Variants in POLG observed in about 807,000 individuals in gnomAD.
POLG encodes DNA polymerase subunit gamma-1.
A neutral mutation model predicts 155.4 loss-of-function variants in POLG; 110 were observed. That is an observed-to-expected ratio of 0.71 (90% CI 0.61 to 0.83). The LOEUF (loss-of-function observed/expected upper bound fraction) is 0.83. Among genes scored for constraint, POLG ranks in the 40% least tolerant of loss-of-function variants. POLG has a pLI of 0.00. For synonymous variants in POLG, 701 were observed against 631.5 expected (o/e 1.11, Z -1.65); for missense variants, 1,685 against 1,627.5 (o/e 1.04, Z -0.61).
intron 6 of POLG, among the ~76,000 whole-genome samples, chr15:89,328,078 T>A (rs1267479565): frequency 6.6e-6 from 1 of 151,060 alleles, no homozygotes; most frequent in Non-Finnish European, 1.5e-5. Context: ...CCCTTCTTTT[T>A]TCTTTCCATA....
rs759511776 is a variant in POLG, at chr15:89,326,594, G to C, written c.1712+18C>G. On this transcript the variant is annotated intron_variant, in intron 9 of 22. Transcript: ENST00000268124. ...AGGGTAGACTCTAGATACACTGCTG[G>C]GGGTGGGCAGGGCTCACCCAGGGTG... The C allele has an allele frequency of 6.2e-7, 1 of 1,612,402 alleles. No homozygotes were observed.
At position 89,316,743 on chromosome 15, in the gene POLG, A is replaced by G. The variant is rs776595063; in HGVS notation, c.*8T>C. ...CCACGGGAGCAAATACAGAGCCTCC[A>G]GGCAGTGCTATGGTCCAGGCTGGCT... On this transcript the variant is annotated 3_prime_UTR_variant, in exon 23 of 23. Coordinates refer to ENST00000268124, the MANE Select transcript of POLG (RefSeq NM_002693.3). The G allele has an allele frequency of 6.2e-7, 1 of 1,606,842 alleles. No individual in the cohort carries two copies. The highest frequency in any genetic ancestry group is 1.1e-5 in the South Asian group (1 of 90,934).
rs779606365 is a variant in POLG, at chr15:89,329,146, G to A, written c.856-36C>T. ...GGAGGAGAAAAGGGAAGGGAAGGAG[G>A]GAGGCTGCAACTGTGGGGCCAGCCC... On this transcript the variant is annotated intron_variant, in intron 3 of 22. Coordinates refer to ENST00000268124, the MANE Select transcript of POLG (RefSeq NM_002693.3). The A allele has an allele frequency of 4.4e-6, 7 of 1,580,134 alleles. No homozygotes were observed. In the East Asian group the frequency reaches 6.8e-5, roughly 15 times the overall value.
chr15:89,327,057 T>C lies in POLG; in HGVS notation c.1440A>G (p.Lys480=). ...CCAGGTCCCAGAGCCAGGGGTCTTCTTTGTACCTACAGAGCCAGTCCACTA... is the reference window on the plus strand; with the variant it reads ...CCAGGTCCCAGAGCCAGGGGTCTTCCTTGTACCTACAGAGCCAGTCCACTA... The part of the protein sequence containing the change: ...ACQLLSGERY[K]EDPWLWDLEW... Residue 480 remains lysine (K), a synonymous_variant, in exon 8 of 23, where the codon AAA becomes AAG. Coordinates refer to ENST00000268124, the MANE Select transcript of POLG (RefSeq NM_002693.3). 6.2e-7 allele frequency: 1 copy of C among 1,614,234 alleles called. No homozygotes were observed. The highest frequency in any genetic ancestry group is 1.3e-5 in the African/African-American group (1 of 75,066).
chr15:89,325,055 AGAGAGTGAGTGAGTGAGTGAGT>A (rs2055457375), intron 10 of POLG, among the ~76,000 whole-genome samples: 1 of 114,408 alleles, frequency 8.7e-6, no homozygotes, highest in African/African-American at 4.4e-5. Context: ...TGAGTGAGTG[AGAGAGTGAGTGAGTGAGTGAGT>A]GAGTGAGAGA....
intron 13 of POLG, 36 bp from the exon 14 acceptor site, chr15:89,322,938 G>A (rs1224259099): frequency 1.9e-6 from 3 of 1,606,336 alleles, no homozygotes; most frequent in East Asian, 2.2e-5. Context: ...CTGGAGGCAG[G>A]TGGCAGACCC....
chr15:89,324,864 T>C (rs1309772879), intron 10 of POLG, among the ~76,000 whole-genome samples: 1 of 152,130 alleles, frequency 6.6e-6, no homozygotes, highest in Non-Finnish European at 1.5e-5. Context: ...TAAAAGCCCA[T>C]CTCCCTGCTA....
Position 89,325,284 on chromosome 15 carries a change from A to AG in POLG, c.1949+165_1949+166insC, listed in dbSNP as rs1555453399. 3.5e-5 allele frequency among the ~76,000 whole-genome samples: 2 copies of AG among 57,392 alleles called. 1 individual carries two copies. Among genetic ancestry groups the AG allele is most frequent in the African/African-American group, 2.6e-4 (2 of 7,774 alleles). 37.7% of individuals were successfully genotyped at this position (57,392 alleles called of 152,430 possible). ...TGAGTGAGTGAGTGAGAGAGAGAGA[A>AG]AGAGAGAGAGAGAGGGTGTGTGTGT... is the stretch of plus-strand genomic sequence containing the variant. On this transcript the variant is annotated intron_variant, in intron 10 of 22. Coordinates refer to ENST00000268124, the MANE Select transcript of POLG (RefSeq NM_002693.3).
At chr15:89,318,781 G>A (rs765752408) in intron 20 of POLG, 32 bp from the exon 21 acceptor site, 2 of 1,592,132 alleles carry the variant, frequency 1.3e-6, no homozygotes, top group Non-Finnish European at 1.7e-6. Context: ...AGGTGAAAGG[G>A]GCTATGCTAC....
chr15:89,323,257 G>GTGCCTGAAATCTGC, intron 13 of POLG, 147 bp downstream of exon 13: 1 of 680,538 alleles, frequency 1.5e-6, no homozygotes, highest in Non-Finnish European at 2.7e-6. Context: ...GCTGAGAGAT[G>GTGCCTGAAATCTGC]ACAGTATGTG....
chr15:89,317,095 A>C, intron 22 of POLG: 1 of 592,034 alleles, frequency 1.7e-6, no homozygotes, highest in South Asian at 2.0e-5. Context: ...ATAGAGTGCA[A>C]GAATGCACTC....
At chr15:89,323,336 G>A (rs1021799139) in intron 13 of POLG, 68 bp downstream of exon 13, 1 of 979,982 alleles carries the variant, frequency 1.0e-6, no homozygotes, top group Admixed American at 1.8e-5. Context: ...GTGTCACTCT[G>A]AAGGCCTGCT....
At chr15:89,325,120 G>A (rs1291384539) in intron 10 of POLG, among the ~76,000 whole-genome samples, 4 of 91,314 alleles carry the variant, frequency 4.4e-5, no homozygotes, top group African/African-American at 1.8e-4. Flanking sequence ...GAGAGTGAGT[G>A]AGTGAGTGAG....
At chr15:89,323,071 G>GTGCACACACA (rs1298299060) in intron 13 of POLG, among the ~76,000 whole-genome samples, 169 bp from the exon 14 acceptor site, 1 of 152,148 alleles carries the variant, frequency 6.6e-6, no homozygotes, top group Non-Finnish European at 1.5e-5. Context: ...ACACACACAC[G>GTGCACACACA]TGCACACACA....
rs1168395175 is a variant in POLG at position 89,320,685 on chromosome 15, T to C, written c.2981+81A>G. 7.3e-6 allele frequency: 11 copies of C among 1,503,710 alleles called. No homozygotes were observed. In the East Asian group the frequency reaches 1.8e-4, roughly 25 times the overall value. The allele number at this position is 1,503,710 out of a possible 1,614,324, so 93.1% of individuals were successfully genotyped here. A position where few individuals can be genotyped will look rare whatever the true frequency, so the allele number is the denominator to read the frequency against. ...GAGAGTTCAAGTAATGGGCAGGAGATAGAACAGATGGTAGTACTAAAGGAC... is the reference window on the plus strand; with the variant it reads ...GAGAGTTCAAGTAATGGGCAGGAGACAGAACAGATGGTAGTACTAAAGGAC... On this transcript the variant is annotated intron_variant, in intron 18 of 22. Transcript: ENST00000268124.
In POLG at chr15:89,333,154, C is replaced by A. The variant is rs2141814471; in HGVS notation, c.601G>T (p.Val201Phe). The A allele has an allele frequency of 1.3e-6, 2 of 1,544,346 alleles. No homozygotes were observed. The highest frequency in any genetic ancestry group is 1.2e-5 in the South Asian group (1 of 81,004). Residue 201 changes from valine to phenylalanine, a missense_variant, in exon 2 of 23, where the codon GTC (valine) becomes TTC (phenylalanine). Around this residue, in one of 3 missense-constraint regions of POLG, gnomAD observed 1,210 missense variants for 1,167.1 expected, o/e 1.04. Coordinates refer to ENST00000268124, the MANE Select transcript of POLG (RefSeq NM_002693.3). ...EERALVFDVE[V>F]CLAEGTCPTL... ...GGGCAAGTTCCCTCTGCCAAGCAGA[C>A]CTCCACGTCGAACACCAGGGCCCGC...
Position 89,316,334 on chromosome 15 carries a change from T to C in POLG, c.*417A>G. On this transcript the variant is annotated 3_prime_UTR_variant, in exon 23 of 23. Coordinates refer to ENST00000268124, the MANE Select transcript of POLG (RefSeq NM_002693.3). ...AAGATAGAGTCTTTTTTTTCCTTCT[T>C]TTTATTTCCACTGCCTTGGAGCAGG... 6.6e-7 allele frequency: 1 copy of C among 1,518,800 alleles called. No homozygotes were observed. The highest frequency in any genetic ancestry group is 2.4e-5 in the East Asian group (1 of 41,878). The allele number at this position is 1,518,800 out of a possible 1,614,324, so 94.1% of individuals were successfully genotyped here.
In POLG at chr15:89,319,369, C is replaced by A; in HGVS notation, c.2982-19G>T. On this transcript the variant is annotated intron_variant, in intron 18 of 22. Coordinates refer to ENST00000268124, the MANE Select transcript of POLG (RefSeq NM_002693.3). ...CCGATACCTGGGGGCAGTGTTATCA[C>A]CATCATTCCACGGGAGTGCTTCCTG... The A allele has an allele frequency of 1.2e-6, 2 of 1,613,092 alleles. No individual in the cohort carries two copies. The highest frequency in any genetic ancestry group is 1.7e-6 in the Non-Finnish European group (2 of 1,180,006).
intron 2 of POLG, among the ~76,000 whole-genome samples, chr15:89,331,133 C>A (rs1466708830): frequency 8.2e-6 from 1 of 122,002 alleles, no homozygotes; most frequent in Admixed American, 7.7e-5. Context: ...CTCCTTGCAA[C>A]CTTTATGGAA....
Sources: gnomAD v4.1 joint callset for allele counts (sites outside exome capture counted in the v4.1 genomes callset) on GRCh38, gnomAD v4.1.1 for gene constraint, gnomAD v4.1.1 regional missense constraint, MANE v1.5 for transcripts, NCBI Gene and HGNC (gene_info 2026-07-23, HGNC 2026-07-21) for gene names.